SDCCAG8: variants seen among roughly 807,000 people sequenced by gnomAD.
SDCCAG8 encodes the protein SHH signaling and ciliogenesis regulator SDCCAG8, also known as serologically defined colon cancer antigen 8.
Under a neutral mutation model 101.8 loss-of-function variants are expected in SDCCAG8, and 74 were observed. The observed-to-expected ratio is 0.73, with a 90% CI of 0.60 to 0.88. The LOEUF is 0.88. Among genes scored for constraint, SDCCAG8 ranks in the 40% least tolerant of loss-of-function variants. The pLI is 0.00. For synonymous variants in SDCCAG8, 281 were observed against 292.9 expected (o/e 0.96, Z 0.41); for missense variants, 787 against 822.6 (o/e 0.96, Z 0.53).
intron 9 of SDCCAG8, among the ~76,000 whole-genome samples, chr1:243,328,803 C>T (rs971636031): frequency 6.6e-6 from 1 of 152,136 alleles, no homozygotes; most frequent in Non-Finnish European, 1.5e-5. Context: ...TTTACTGTTG[C>T]TTGTTCTTTA....
intron 12 of SDCCAG8, among the ~76,000 whole-genome samples, chr1:243,365,334 T>G (rs906131565): frequency 2.0e-5 from 3 of 152,184 alleles, no homozygotes; most frequent in Non-Finnish European, 4.4e-5. Flanking sequence ...CAAATGTTTT[T>G]GGGACCATTT....
At chr1:243,482,409 T>C (rs1233877505) in intron 16 of SDCCAG8, among the ~76,000 whole-genome samples, 1 of 152,216 alleles carries the variant, frequency 6.6e-6, no homozygotes, top group Non-Finnish European at 1.5e-5. Context: ...GGCGTGTTTG[T>C]TCCCATGGTA....
intron 16 of SDCCAG8, among the ~76,000 whole-genome samples, chr1:243,487,591 C>T (rs1252610941): frequency 6.6e-6 from 1 of 152,062 alleles, no homozygotes; most frequent in Non-Finnish European, 1.5e-5. Flanking sequence ...CTGGCTGTTG[C>T]CCAGGCTCCA....
chr1:243,339,141 A>G (rs527817442), intron 10 of SDCCAG8, among the ~76,000 whole-genome samples: 4 of 151,980 alleles, frequency 2.6e-5, no homozygotes, highest in Non-Finnish European at 5.9e-5. Flanking sequence ...TAGTGGGCAG[A>G]GGAAGGGAAT....
chr1:243,405,648 T>C (rs1414125830), intron 13 of SDCCAG8, among the ~76,000 whole-genome samples: 1 of 152,172 alleles, frequency 6.6e-6, no homozygotes, highest in Non-Finnish European at 1.5e-5. Context: ...AAAGCAGACA[T>C]AATTAACACA....
intron 1 of SDCCAG8, among the ~76,000 whole-genome samples, chr1:243,266,943 C>CAAAAAAA (rs376247572): frequency 9.9e-6 from 1 of 100,612 alleles, no homozygotes; most frequent in Non-Finnish European, 1.9e-5. Flanking sequence ...AACTTCGTCT[C>CAAAAAAA]AAAAAAAAAA....
chr1:243,378,561 G>C (rs892715656), intron 12 of SDCCAG8, among the ~76,000 whole-genome samples, 160 bp from the exon 13 acceptor site: 1 of 151,998 alleles, frequency 6.6e-6, no homozygotes, highest in Non-Finnish European at 1.5e-5. Flanking sequence ...GTGCATTTTT[G>C]GATGTGCTAA....
At chr1:243,380,474 CT>C (rs1325084117) in intron 13 of SDCCAG8, among the ~76,000 whole-genome samples, 1 of 152,124 alleles carries the variant, frequency 6.6e-6, no homozygotes, top group African/African-American at 2.4e-5. Context: ...GGTTTTGCCC[CT>C]TTTGCCATTC....
intron 13 of SDCCAG8, among the ~76,000 whole-genome samples, chr1:243,412,346 A>T (rs192600572): frequency 4.6e-5 from 7 of 152,280 alleles, no homozygotes; most frequent in Admixed American, 4.6e-4. Flanking sequence ...CACATAAAAG[A>T]CATTAATATT....
chr1:243,426,400 C>T, intron 15 of SDCCAG8, 27 bp from the exon 16 acceptor site: 1 of 1,598,320 alleles, frequency 6.3e-7, no homozygotes. Flanking sequence ...CTTCTAACAT[C>T]TATTATTTTT....
rs187669013 is a variant in SDCCAG8 at position 243,488,960 on chromosome 1, C to G, written c.1986-54C>G. On this transcript the variant is annotated intron_variant, in intron 16 of 17. Transcript: ENST00000366541. ...CCTCAGATACACACAGCCCCTGGGC[C>G]TGTTGAAAGGCTGACGTTATCCCTC... 16 of 1,612,544 alleles carry G rather than the reference C, an allele frequency of 9.9e-6. No homozygotes were observed. In the Admixed American group the frequency reaches 2.2e-4, roughly 22 times the overall value.
intron 9 of SDCCAG8, chr1:243,318,168 G>A (rs1220345254): frequency 2.3e-6 from 1 of 433,404 alleles, no homozygotes. Context: ...GGAATAGTAT[G>A]CAGCCATAAA....
At chr1:243,330,367 T>C (rs1474631259) in intron 9 of SDCCAG8, among the ~76,000 whole-genome samples, 173 bp from the exon 10 acceptor site, 1 of 152,198 alleles carries the variant, frequency 6.6e-6, no homozygotes, top group Non-Finnish European at 1.5e-5. Flanking sequence ...AAATGTAACA[T>C]TTGGATACTC....
intron 6 of SDCCAG8, among the ~76,000 whole-genome samples, chr1:243,296,386 C>T (rs1443102132): frequency 6.6e-6 from 1 of 152,122 alleles, no homozygotes; most frequent in African/African-American, 2.4e-5. Flanking sequence ...CATTCACTTC[C>T]AACTATCACC....
At position 243,271,007 on chromosome 1, in the gene SDCCAG8, C is replaced by A. The variant is rs201658593; in HGVS notation, c.250C>A (p.Gln84Lys). 5.0e-6 allele frequency: 8 copies of A among 1,613,508 alleles called. No individual in the cohort carries two copies. The highest frequency in any genetic ancestry group is 6.8e-6 in the Non-Finnish European group (8 of 1,179,626). The change falls in exon 3 of 18, where the codon CAA becomes AAA. Residue 84 changes from glutamine to lysine, a missense_variant. Transcript: ENST00000366541. ...VNQLKDLLRQ[Q>K]ADKESEVSPS... ...TCAGCTCAAAGATTTGTTGCGCCAA[C>A]AAGCAGATAAGGAAAGTGAAGTATC...
At chr1:243,488,957 G>A (rs1457470621) in intron 16 of SDCCAG8, 57 bp from the exon 17 acceptor site, 1 of 1,612,112 alleles carries the variant, frequency 6.2e-7, no homozygotes, top group Non-Finnish European at 8.5e-7. Flanking sequence ...ACAGCCCCTG[G>A]GCCTGTTGAA....
intron 5 of SDCCAG8, among the ~76,000 whole-genome samples, chr1:243,290,367 C>T (rs781673096): frequency 2.6e-5 from 4 of 152,132 alleles, no homozygotes; most frequent in Admixed American, 6.6e-5. Flanking sequence ...GCAATTCTTT[C>T]CAAAGAATGA....
At chr1:243,335,850 C>T (rs1025780696) in intron 10 of SDCCAG8, among the ~76,000 whole-genome samples, 1 of 152,164 alleles carries the variant, frequency 6.6e-6, no homozygotes, top group African/African-American at 2.4e-5. Flanking sequence ...TCCGTGAGTA[C>T]CTAATACTTA....
At chr1:243,389,648 A>G (rs2078577580) in intron 13 of SDCCAG8, among the ~76,000 whole-genome samples, 1 of 152,176 alleles carries the variant, frequency 6.6e-6, no homozygotes, top group African/African-American at 2.4e-5. Context: ...TATTTGCAAA[A>G]GATTAGAAAT....
Sources: allele counts gnomAD v4.1 joint callset (sites outside exome capture counted in the v4.1 genomes callset), GRCh38; gene constraint gnomAD v4.1.1; transcripts MANE v1.5; gene names NCBI Gene and HGNC (gene_info 2026-07-23, HGNC 2026-07-21).